STPG3: variants seen among roughly 807,000 people sequenced by gnomAD.
STPG3 encodes sperm-tail PG-rich repeat containing 3, also known as protein STPG3.
STPG3 carries 39 observed loss-of-function variants against 32.5 expected under a neutral mutation model. That is an observed-to-expected ratio of 1.20 (90% CI 0.93 to 1.57). STPG3 has a LOEUF of 1.57. STPG3 is among the 40% of genes most tolerant of loss of function. STPG3 has a pLI of 0.00. For missense variants in STPG3, 507 were observed against 407.6 expected, an observed-to-expected ratio of 1.24 and a Z score of -2.10; for synonymous variants, 209 against 172.4, an observed-to-expected ratio of 1.21 and a Z score of -1.66.
chr9:137,252,949 C>T lies in STPG3; in HGVS notation c.780C>T (p.Thr260=). The change falls in exon 5 of 6, where the codon ACC becomes ACT. Residue 260 remains threonine, a synonymous_variant. Coordinates refer to ENST00000412566, the MANE Select transcript of STPG3 (RefSeq NM_001004353.4). The part of the protein sequence containing the change: ...AFSMSRSPAF[T]SWLSTSRTPG... ...CGATGAGCCGCTCCCCTGCGTTCAC[C>T]TCCTGGCTCAGCACCTGTAAGGAGG... 1 of 1,599,260 alleles carries T rather than the reference C, an allele frequency of 6.3e-7. No individual in the cohort carries two copies. Among genetic ancestry groups the T allele is most frequent in the Non-Finnish European group, 8.5e-7 (1 of 1,173,398 alleles).
chr9:137,251,734 G>A lies in STPG3; in HGVS notation c.111-4G>A. The A allele has an allele frequency of 1.3e-6, 2 of 1,560,366 alleles. No homozygotes were observed. Among genetic ancestry groups the A allele is most frequent in the Non-Finnish European group, 1.7e-6 (2 of 1,153,924 alleles). On this transcript the variant is annotated splice_region_variant and splice_polypyrimidine_tract_variant and intron_variant, in intron 1 of 5. Transcript: ENST00000412566. Reference sequence around the variant, plus strand: ...GAGACAGTGGCTGCTGGTCTCCCTTGCAGGCCCAAGGCATCTGTGCTGTTG... The same window carrying A: ...GAGACAGTGGCTGCTGGTCTCCCTTACAGGCCCAAGGCATCTGTGCTGTTG...
chr9:137,252,893 C>T lies in STPG3; in HGVS notation c.724C>T (p.Arg242Cys), dbSNP rs757070055. ...CACCTACAATATCCTTCCTGGGAGC[C>T]GCCTGCAGAGCCCCCGCTCGCCGGC... The part of the protein sequence containing the change: ...PNTYNILPGS[R>C]LQSPRSPAFS... Residue 242 changes from arginine (R) to cysteine (C), a missense_variant, in exon 5 of 6, where the codon CGC becomes TGC. Arg to Cys is a radical substitution (Grantham distance 180). Transcript: ENST00000412566. 12 of 1,596,112 alleles carry T rather than the reference C, an allele frequency of 7.5e-6. No individual in the cohort carries two copies. Among genetic ancestry groups the T allele is most frequent in the African/African-American group, 2.7e-5 (2 of 74,528 alleles).
Position 137,251,865 on chromosome 9 carries a change from C to T in STPG3, c.238C>T (p.Pro80Ser). The change falls in exon 2 of 6, where the codon CCC becomes TCC. Residue 80 changes from proline (P) to serine (S), a missense_variant. Coordinates refer to ENST00000412566, the MANE Select transcript of STPG3 (RefSeq NM_001004353.4). ...LQTGTPQESL[P>S]TYTQTLRELL... ...GACGGGCACCCCCCAGGAGTCCCTG[C>T]CCACCTACACCCAGACCCTGAGGGA... 6.2e-7 allele frequency: 1 copy of T among 1,608,164 alleles called. No individual in the cohort carries two copies. The highest frequency in any genetic ancestry group is 1.1e-5 in the South Asian group (1 of 90,032).
Position 137,253,251 on chromosome 9 carries a change from G to T in STPG3, c.*6G>T. On this transcript the variant is annotated 3_prime_UTR_variant, in exon 6 of 6. Coordinates refer to ENST00000412566, the MANE Select transcript of STPG3 (RefSeq NM_001004353.4). ...GCCCCTTCTGCACGCTCTAGAGCCA[G>T]CTGGGCACAACCTGCTTGGCCCGGC... 6.2e-7 allele frequency: 1 copy of T among 1,603,214 alleles called. No individual in the cohort carries two copies. Among genetic ancestry groups the T allele is most frequent in the Non-Finnish European group, 8.5e-7 (1 of 1,175,514 alleles).
Position 137,252,955 on chromosome 9 carries a change from G to T in STPG3, c.786G>T (p.Trp262Cys). 1 of 1,597,932 alleles carries T rather than the reference G, an allele frequency of 6.3e-7. No individual in the cohort carries two copies. The highest frequency in any genetic ancestry group is 8.5e-7 in the Non-Finnish European group (1 of 1,172,664). Reference protein sequence around the residue: ...SMSRSPAFTSWLSTSRTPGPA... With the variant: ...SMSRSPAFTSCLSTSRTPGPA... ...GCCGCTCCCCTGCGTTCACCTCCTG[G>T]CTCAGCACCTGTAAGGAGGCCTGGA... The change falls in exon 5 of 6, where the codon TGG (tryptophan) becomes TGT (cysteine). Residue 262 changes from tryptophan (W) to cysteine (C), a missense_variant. Coordinates refer to ENST00000412566, the MANE Select transcript of STPG3 (RefSeq NM_001004353.4).
Position 137,253,242 on chromosome 9 carries a change from C to G in STPG3, c.924C>G (p.Leu308=), listed in dbSNP as rs755386388. Residue 308 remains leucine (L), a synonymous_variant, in exon 6 of 6, where the codon CTC becomes CTG. Coordinates refer to ENST00000412566, the MANE Select transcript of STPG3 (RefSeq NM_001004353.4). ...ACGACACAGGCCCCTTCTGCACGCT[C>G]TAGAGCCAGCTGGGCACAACCTGCT... ...KRHDTGPFCT[L] 22 of 1,605,498 alleles carry G rather than the reference C, an allele frequency of 1.4e-5. No homozygotes were observed. In the South Asian group the frequency reaches 2.5e-4, roughly 18 times the overall value.
rs780984226 is a variant in STPG3 at position 137,252,067 on chromosome 9, C to G, written c.335C>G (p.Pro112Arg). 14 of 1,612,926 alleles carry G rather than the reference C, an allele frequency of 8.7e-6. No homozygotes were observed. In the East Asian group the frequency reaches 2.0e-4, roughly 23 times the overall value. ...EVPSPTRYQV[P>R]SPSVRESSPH... ...CCCAGCCCCACCAGGTACCAGGTGCCGAGCCCGTCCGTACGAGAGTCCTCC... is the reference window on the plus strand; with the variant it reads ...CCCAGCCCCACCAGGTACCAGGTGCGGAGCCCGTCCGTACGAGAGTCCTCC... Residue 112 changes from proline to arginine, a missense_variant, in exon 3 of 6, where the codon CCG (proline) becomes CGG (arginine). Pro to Arg is a moderately radical substitution (Grantham distance 103, BLOSUM62 -2). Transcript: ENST00000412566.
intron 1 of STPG3, 121 bp from the exon 2 acceptor site, chr9:137,251,617 G>A (rs1588877291): frequency 1.6e-6 from 2 of 1,252,478 alleles, no homozygotes; most frequent in South Asian, 1.4e-5. Flanking sequence ...TGTGGGGACA[G>A]GCTGTGGGGC....
chr9:137,252,542 G>A lies in STPG3; in HGVS notation c.492+17G>A, dbSNP rs749316939. On this transcript the variant is annotated intron_variant, in intron 4 of 5. Coordinates refer to ENST00000412566, the MANE Select transcript of STPG3 (RefSeq NM_001004353.4). ...GAGCAAAAGGTTGGGGGCTGGGCAG[G>A]AAGGGGGCGGGGAGTCCACGCAGGC... 1.9e-5 allele frequency: 26 copies of A among 1,355,718 alleles called. No individual in the cohort carries two copies. In the South Asian group the frequency reaches 3.2e-4, roughly 17 times the overall value. 84.0% of individuals were successfully genotyped at this position (1,355,718 alleles called of 1,614,324 possible).
chr9:137,252,390 C>G (rs1837384064), intron 3 of STPG3, 47 bp from the exon 4 acceptor site: 2 of 1,574,016 alleles, frequency 1.3e-6, no homozygotes, highest in Admixed American at 1.8e-5. Context: ...GGGACTGTCA[C>G]CTGGGTGGGG....
In STPG3 at chr9:137,251,842, C is replaced by G. The variant is rs548819722; in HGVS notation, c.215C>G (p.Thr72Arg). 6.2e-7 allele frequency: 1 copy of G among 1,607,254 alleles called. No individual in the cohort carries two copies. The highest frequency in any genetic ancestry group is 8.5e-7 in the Non-Finnish European group (1 of 1,177,016). The part of the protein sequence containing the change: ...KEIPVGLRLQ[T>R]GTPQESLPTY... ...ATCCCAGTTGGCCTCAGGTTACAGA[C>G]GGGCACCCCCCAGGAGTCCCTGCCC... The change falls in exon 2 of 6, where the codon ACG (threonine) becomes AGG (arginine). Residue 72 changes from threonine to arginine, a missense_variant. Transcript: ENST00000412566.
Position 137,252,949 on chromosome 9 carries a change from C to G in STPG3, c.780C>G (p.Thr260=), listed in dbSNP as rs1353231571. ...AFSMSRSPAF[T]SWLSTSRTPG... is the part of the protein sequence containing the mutation. ...CGATGAGCCGCTCCCCTGCGTTCAC[C>G]TCCTGGCTCAGCACCTGTAAGGAGG... Residue 260 remains threonine, a synonymous_variant, in exon 5 of 6, where the codon ACC becomes ACG. Coordinates refer to ENST00000412566, the MANE Select transcript of STPG3 (RefSeq NM_001004353.4). 1 of 1,599,260 alleles carries G rather than the reference C, an allele frequency of 6.3e-7. No homozygotes were observed.
chr9:137,252,817 C>T lies in STPG3; in HGVS notation c.648C>T (p.Ser216=). The stretch of plus-strand genomic sequence containing the variant: ...TGGGCCTCAGGGTGCAGCCCCAGTC[C>T]CTGCTTCAGGCCTCTTTGCAGGCAC... ...RGLGLRVQPQ[S]LLQASLQAPG... is the part of the protein sequence containing the mutation. Residue 216 remains serine (S), a synonymous_variant, in exon 5 of 6, where the codon TCC becomes TCT. Coordinates refer to ENST00000412566, the MANE Select transcript of STPG3 (RefSeq NM_001004353.4). 1 of 1,567,974 alleles carries T rather than the reference C, an allele frequency of 6.4e-7. No homozygotes were observed. Among genetic ancestry groups the T allele is most frequent in the South Asian group, 1.2e-5 (1 of 85,330 alleles).
chr9:137,251,362 G>T lies in STPG3; in HGVS notation c.76G>T (p.Gly26Cys), dbSNP rs745576018. 1 of 1,613,312 alleles carries T rather than the reference G, an allele frequency of 6.2e-7. No individual in the cohort carries two copies. ...CAATGGAGGCAAACACTGGACCCAT[G>T]GTCACCTGAGGCAGACACAACCAGA... Reference protein sequence around the residue: ...YINGGKHWTHGHLRQTQPEPT... With the variant: ...YINGGKHWTHCHLRQTQPEPT... The change falls in exon 1 of 6, where the codon GGT becomes TGT. Residue 26 changes from glycine to cysteine, a missense_variant. By Grantham distance (159) the Gly-to-Cys change is radical. Transcript: ENST00000412566.
At position 137,252,740 on chromosome 9, in the gene STPG3, T is replaced by C. The variant is rs1303020110; in HGVS notation, c.571T>C (p.Ser191Pro). 4 of 1,557,422 alleles carry C rather than the reference T, an allele frequency of 2.6e-6. No homozygotes were observed. Among genetic ancestry groups the C allele is most frequent in the Non-Finnish European group, 1.7e-6 (2 of 1,151,472 alleles). Residue 191 changes from serine to proline, a missense_variant, in exon 5 of 6, where the codon TCC (serine) becomes CCC (proline). Coordinates refer to ENST00000412566, the MANE Select transcript of STPG3 (RefSeq NM_001004353.4). ...AFSFRGCHSA[S>P]KTPEGHTHLG... ...CAGCTTCAGAGGCTGCCACTCCGCT[T>C]CCAAGACACCTGAAGGCCACACCCA...
intron 3 of STPG3, 83 bp downstream of exon 3, chr9:137,252,218 C>G: frequency 6.5e-7 from 1 of 1,531,636 alleles, no homozygotes; most frequent in Non-Finnish European, 8.8e-7. Context: ...TGCTGAAACC[C>G]CCACGGCCTG....
chr9:137,252,105 T>C lies in STPG3; in HGVS notation c.373T>C (p.Tyr125His), dbSNP rs1245931798. 2.5e-6 allele frequency: 4 copies of C among 1,611,982 alleles called. No individual in the cohort carries two copies. The highest frequency in any genetic ancestry group is 2.7e-5 in the African/African-American group (2 of 74,898). ...ACGAGAGTCCTCCCCACACCCCCAC[T>C]ACAGCATCGGCTGCAAGCACCAGGG... is the stretch of plus-strand genomic sequence containing the variant. The part of the protein sequence containing the change: ...SVRESSPHPH[Y>H]SIGCKHQGRE... Residue 125 changes from tyrosine to histidine, a missense_variant, in exon 3 of 6, where the codon TAC becomes CAC. Physicochemically the swap from Tyr to His is moderately conservative, Grantham distance 83 (BLOSUM62 2). Coordinates refer to ENST00000412566, the MANE Select transcript of STPG3 (RefSeq NM_001004353.4).
Position 137,251,313 on chromosome 9 carries a change from G to T in STPG3, c.27G>T (p.Val9=). Residue 9 remains valine (V), a synonymous_variant, in exon 1 of 6, where the codon GTG becomes GTT. Transcript: ENST00000412566. ...TGATGAATTCTGACCAGAAGGCAGT[G>T]AAATTCCTGGCAAATTTTTACATCA... MMNSDQKA[V]KFLANFYING... The T allele has an allele frequency of 6.2e-7, 1 of 1,613,640 alleles. No individual in the cohort carries two copies. The highest frequency in any genetic ancestry group is 8.5e-7 in the Non-Finnish European group (1 of 1,179,614).
rs1177223707 is a variant in STPG3 at position 137,252,083 on chromosome 9, A to G, written c.351A>G (p.Arg117=). The G allele has an allele frequency of 2.5e-6, 4 of 1,612,610 alleles. No individual in the cohort carries two copies. The highest frequency in any genetic ancestry group is 1.1e-5 in the South Asian group (1 of 91,070). Residue 117 remains arginine (R), a synonymous_variant, in exon 3 of 6, where the codon CGA becomes CGG. Transcript: ENST00000412566. ...TRYQVPSPSV[R]ESSPHPHYSI... ...ACCAGGTGCCGAGCCCGTCCGTACGAGAGTCCTCCCCACACCCCCACTACA... is the reference window on the plus strand; with the variant it reads ...ACCAGGTGCCGAGCCCGTCCGTACGGGAGTCCTCCCCACACCCCCACTACA...
Sources: allele counts gnomAD v4.1 joint callset, GRCh38; gene constraint gnomAD v4.1.1; transcripts MANE v1.5; gene names NCBI Gene and HGNC (gene_info 2026-07-23, HGNC 2026-07-21).